The following PAK1 variants were observed in gnomAD, a reference collection of about 807,000 sequenced individuals.
PAK1 encodes p21 (RAC1) activated kinase 1, also known as serine/threonine-protein kinase PAK 1.
PAK1 carries 29 observed loss-of-function variants against 67.4 expected under a neutral mutation model. That is an observed-to-expected ratio of 0.43 (90% confidence interval 0.32 to 0.59). The LOEUF is 0.59. PAK1 is among the 20% of genes least tolerant of loss of function. The pLI, the probability that PAK1 is intolerant of heterozygous loss-of-function variation, is 0.07. For synonymous variants in PAK1, 223 were observed against 237.4 expected, an observed-to-expected ratio of 0.94 and a Z score of 0.56; for missense variants, 337 against 670.7, an observed-to-expected ratio of 0.50 and a Z score of 5.50.
chr11:77,355,954 T>C, intron 6 of PAK1, 112 bp from the exon 7 acceptor site: 1 of 666,794 alleles, frequency 1.5e-6, no homozygotes, highest in Non-Finnish European at 2.6e-6. Flanking sequence ...AACTCATCCT[T>C]TCTCTTATGT....
chr11:77,417,288 T>G (rs932471463), intron 1 of PAK1, among the ~76,000 whole-genome samples: 2 of 152,262 alleles, frequency 1.3e-5, no homozygotes, highest in Middle Eastern at 6.8e-3. Context: ...CAATATAGTA[T>G]TATTCAGTAA....
intron 5 of PAK1, among the ~76,000 whole-genome samples, chr11:77,359,709 T>C (rs986250530): frequency 2.0e-5 from 3 of 152,160 alleles, no homozygotes; most frequent in African/African-American, 7.2e-5. Context: ...ACAACCTGAT[T>C]TCCCCATGCA....
the PAK1 span, among the ~76,000 whole-genome samples, chr11:77,493,009 T>A: frequency 1.3e-5 from 2 of 152,132 alleles, no homozygotes; most frequent in African/African-American, 4.8e-5. Context: ...AAACCTCTTT[T>A]CTTTATAAAT....
In PAK1 at chr11:77,332,877, A is replaced by G. The variant is rs747066317; in HGVS notation, c.1414-10T>C. The G allele has an allele frequency of 6.2e-7, 1 of 1,613,256 alleles. No homozygotes were observed. The highest frequency in any genetic ancestry group is 1.7e-4 in the Middle Eastern group (1 of 6,060). On this transcript the variant is annotated splice_polypyrimidine_tract_variant and intron_variant, in intron 13 of 14. Coordinates refer to ENST00000356341, the MANE Select transcript of PAK1 (RefSeq NM_002576.5). The stretch of plus-strand genomic sequence containing the variant: ...CAATGAGGTACAAGGCCTGGCAATA[A>G]AAATGGTGAATCACCTTGAGCTCCA...
chr11:77,377,851 A>G (rs1949301325), intron 4 of PAK1, among the ~76,000 whole-genome samples: 1 of 152,216 alleles, frequency 6.6e-6, no homozygotes, highest in Non-Finnish European at 1.5e-5. Context: ...TTTCCCACTC[A>G]GTAGCCCTCC....
chr11:77,418,158 T>G (rs1351646218), intron 1 of PAK1, among the ~76,000 whole-genome samples: 1 of 152,018 alleles, frequency 6.6e-6, no homozygotes, highest in South Asian at 2.1e-4. Context: ...CAAGATAAAG[T>G]TCATCTTCCT....
chr11:77,414,155 G>C (rs1954821922), intron 1 of PAK1, among the ~76,000 whole-genome samples: 1 of 152,208 alleles, frequency 6.6e-6, no homozygotes, highest in Non-Finnish European at 1.5e-5. Flanking sequence ...AACTATGTAT[G>C]TATGTAGGCT....
intron 1 of PAK1, among the ~76,000 whole-genome samples, chr11:77,472,546 T>G (rs1393881254): frequency 1.3e-5 from 2 of 152,188 alleles, no homozygotes; most frequent in Non-Finnish European, 2.9e-5. Context: ...ACCAAACTTC[T>G]GGAGCTTTTA....
intron 1 of PAK1, among the ~76,000 whole-genome samples, chr11:77,418,646 G>A (rs1032628035): frequency 7.2e-5 from 11 of 152,122 alleles, no homozygotes; most frequent in Non-Finnish European, 1.3e-4. Context: ...CATCTTGTTG[G>A]CTTCAGCCCA....
At chr11:77,508,651 T>C in the PAK1 span, among the ~76,000 whole-genome samples, 1 of 144,654 alleles carries the variant, frequency 6.9e-6, no homozygotes, top group Non-Finnish European at 1.5e-5. Flanking sequence ...CTCCCCTACA[T>C]AGAGATTCTT....
intron 14 of PAK1, chr11:77,325,377 C>T: frequency 6.2e-7 from 1 of 1,613,262 alleles, no homozygotes; most frequent in South Asian, 1.1e-5. Context: ...GTTTTCTCAC[C>T]TGTAAAAATG....
chr11:77,433,734 G>A (rs1443546290), intron 1 of PAK1, among the ~76,000 whole-genome samples: 6 of 152,146 alleles, frequency 3.9e-5, no homozygotes, highest in African/African-American at 9.7e-5. Flanking sequence ...AGTCAAGATC[G>A]CACCACTGCA....
At chr11:77,494,093 A>G in the PAK1 span, among the ~76,000 whole-genome samples, 1 of 152,224 alleles carries the variant, frequency 6.6e-6, no homozygotes, top group Non-Finnish European at 1.5e-5. Flanking sequence ...AAAAACATGC[A>G]TACCCTATGA....
chr11:77,352,876 T>G (rs1945467740), intron 8 of PAK1, among the ~76,000 whole-genome samples: 1 of 152,168 alleles, frequency 6.6e-6, no homozygotes, highest in Non-Finnish European at 1.5e-5. Context: ...GTTCACTCTA[T>G]GACGCTCACA....
chr11:77,380,635 G>C (rs543579221), intron 2 of PAK1, among the ~76,000 whole-genome samples: 1 of 152,274 alleles, frequency 6.6e-6, no homozygotes, highest in African/African-American at 2.4e-5. Flanking sequence ...TCTAGGCTGG[G>C]TGGTTCTTTA....
chr11:77,323,692 G>A (rs753959281), intron 14 of PAK1, among the ~76,000 whole-genome samples: 5 of 152,066 alleles, frequency 3.3e-5, no homozygotes, highest in Non-Finnish European at 4.4e-5. Flanking sequence ...GAACCCAAAT[G>A]TCCAAGAGAA....
At chr11:77,437,344 C>T (rs1426378953) in intron 1 of PAK1, among the ~76,000 whole-genome samples, 3 of 152,146 alleles carry the variant, frequency 2.0e-5, no homozygotes, top group South Asian at 2.1e-4. Flanking sequence ...CTTCAATTTC[C>T]TCATCTGTGA....
rs948831252 is a variant in PAK1, at chr11:77,338,536, T to C, written c.1117-1113A>G. 3.9e-5 allele frequency among the ~76,000 whole-genome samples: 6 copies of C among 152,166 alleles called. No individual in the cohort carries two copies. The South Asian group carries it at 8.3e-4, about 21-fold the overall frequency. On this transcript the variant is annotated intron_variant, in intron 11 of 14. Coordinates refer to ENST00000356341, the MANE Select transcript of PAK1 (RefSeq NM_002576.5). The stretch of plus-strand genomic sequence containing the variant: ...CAGGAACGTAAAACAGTACAGCTAC[T>C]ACGGAAACAGTTTGGCAGTTCCTCA...
intron 1 of PAK1, among the ~76,000 whole-genome samples, chr11:77,437,562 G>A (rs1956181219): frequency 1.3e-5 from 2 of 152,146 alleles, no homozygotes. Flanking sequence ...ATTTGGCAAT[G>A]TCTAGAGATG....
Sources: gnomAD v4.1 joint callset for allele counts (sites outside exome capture counted in the v4.1 genomes callset) on GRCh38, gnomAD v4.1.1 for gene constraint, MANE v1.5 for transcripts, NCBI Gene and HGNC (gene_info 2026-07-23, HGNC 2026-07-21) for gene names.